The following DAB1 variants were observed in gnomAD, a reference collection of about 807,000 sequenced individuals.
DAB1 encodes the protein disabled homolog 1.
A neutral mutation model predicts 64.6 loss-of-function variants in DAB1; 15 were observed. That is an observed-to-expected ratio of 0.23 (90% confidence interval 0.16 to 0.36). The LOEUF (loss-of-function observed/expected upper bound fraction) is 0.36. DAB1 is among the 10% of genes least tolerant of loss of function. DAB1 has a pLI of 1.00. For synonymous variants in DAB1, 235 were observed against 251.9 expected (o/e 0.93, Z 0.64); for missense variants, 596 against 706.7 (o/e 0.84, Z 1.78).
chr1:57,215,293 A>G (rs939347977), intron 2 of DAB1, among the ~76,000 whole-genome samples: 6 of 152,214 alleles, frequency 3.9e-5, no homozygotes, highest in African/African-American at 1.4e-4. Flanking sequence ...AGAATCTGCA[A>G]GGAGAAGCTT....
chr1:58,299,534 A>G (rs1662072334), intron 4 of DAB1, among the ~76,000 whole-genome samples: 2 of 152,236 alleles, frequency 1.3e-5, no homozygotes, highest in Admixed American at 1.3e-4. Flanking sequence ...ATGAATACAC[A>G]TAATGCATAA....
rs975129685 is a variant in DAB1 at position 57,291,095 on chromosome 1, T to C, written c.-65A>G. On this transcript the variant is annotated 5_prime_UTR_variant, in exon 2 of 15. Transcript: ENST00000371236. ...CTCGGCCAGGCTCATTGAGGACTCTTCTCCAAGAGAAAGACTCCTCCCTTC... is the reference window on the plus strand; with the variant it reads ...CTCGGCCAGGCTCATTGAGGACTCTCCTCCAAGAGAAAGACTCCTCCCTTC... 2 of 1,095,478 alleles carry C rather than the reference T, an allele frequency of 1.8e-6. No individual in the cohort carries two copies. Among genetic ancestry groups the C allele is most frequent in the African/African-American group, 1.6e-5 (1 of 62,832 alleles). 67.9% of individuals were successfully genotyped at this position (1,095,478 alleles called of 1,614,324 possible).
At chr1:57,758,750 TG>T (rs1400136456) in intron 6 of DAB1, among the ~76,000 whole-genome samples, 43 of 152,300 alleles carry the variant, frequency 2.8e-4, no homozygotes, top group South Asian at 8.3e-4. Flanking sequence ...AAAATAGTTT[TG>T]TTTTTTTTTT....
At chr1:57,380,353 C>A (rs1436169588) in intron 1 of DAB1, among the ~76,000 whole-genome samples, 1 of 152,172 alleles carries the variant, frequency 6.6e-6, no homozygotes, top group Non-Finnish European at 1.5e-5. Context: ...ATAGTGGCTA[C>A]CATTATTAAC....
At chr1:58,215,730 G>T (rs897162232) in intron 4 of DAB1, among the ~76,000 whole-genome samples, 3 of 152,170 alleles carry the variant, frequency 2.0e-5, no homozygotes, top group African/African-American at 7.2e-5. Flanking sequence ...ATGATATAGT[G>T]AGTGATTTTC....
intron 2 of DAB1, among the ~76,000 whole-genome samples, chr1:57,232,338 A>G (rs1197200593): frequency 6.8e-6 from 1 of 147,338 alleles, no homozygotes; most frequent in Non-Finnish European, 1.5e-5. Flanking sequence ...CAGGAAAGTC[A>G]GTAATACATG....
At chr1:57,781,543 A>G (rs1305116145) in intron 6 of DAB1, among the ~76,000 whole-genome samples, 1 of 152,042 alleles carries the variant, frequency 6.6e-6, no homozygotes, top group Non-Finnish European at 1.5e-5. Flanking sequence ...GTCATTCCCA[A>G]TTTACAGATG....
chr1:58,481,096 T>G (rs758811298), intron 3 of DAB1: 7 of 871,990 alleles, frequency 8.0e-6, no homozygotes, highest in African/African-American at 4.9e-5. Context: ...AGAAAATGCT[T>G]CGTGCTGAGT....
intron 2 of DAB1, among the ~76,000 whole-genome samples, chr1:57,158,047 A>G (rs1660406296): frequency 6.6e-6 from 1 of 152,156 alleles, no homozygotes; most frequent in South Asian, 2.1e-4. Flanking sequence ...CCTGTGTATA[A>G]GCAAGTTAAA....
At chr1:57,387,757 GACTGC>G (rs1681998867) in intron 1 of DAB1, among the ~76,000 whole-genome samples, 1 of 147,276 alleles carries the variant, frequency 6.8e-6, no homozygotes, top group Admixed American at 7.1e-5. Context: ...AGGAGGTGGA[GACTGC>G]AGTGAGCCAA....
intron 2 of DAB1, among the ~76,000 whole-genome samples, chr1:57,147,885 A>G (rs1382203753): frequency 6.6e-6 from 1 of 152,184 alleles, no homozygotes; most frequent in Non-Finnish European, 1.5e-5. Flanking sequence ...GTCCAAACTT[A>G]CTGAGTAGAA....
At chr1:57,553,384 G>GAGAAAGAAAGAAAGAA (rs775593744) in intron 7 of DAB1, among the ~76,000 whole-genome samples, 15 of 6,978 alleles carry the variant, frequency 2.1e-3, no homozygotes, top group African/African-American at 2.5e-3. Flanking sequence ...AAGGAAGAAA[G>GAGAAAGAAAGAAAGAA]AGAAAGAAAG....
chr1:58,051,875 G>T (rs985212851), intron 5 of DAB1, among the ~76,000 whole-genome samples: 2 of 152,136 alleles, frequency 1.3e-5, no homozygotes, highest in African/African-American at 2.4e-5. Flanking sequence ...CATATCCTTT[G>T]TCAACTTTTT....
intron 3 of DAB1, among the ~76,000 whole-genome samples, chr1:57,144,492 G>A (rs1162913381): frequency 1.3e-5 from 2 of 151,898 alleles, no homozygotes; most frequent in Non-Finnish European, 2.9e-5. Context: ...TCAGGAGTTC[G>A]AGACCAGCCT....
intron 4 of DAB1, among the ~76,000 whole-genome samples, chr1:58,177,002 C>A (rs1656519767): frequency 6.6e-6 from 1 of 151,778 alleles, no homozygotes; most frequent in African/African-American, 2.4e-5. Context: ...AAAGTCCCAC[C>A]TCTCAACACT....
At chr1:57,859,799 C>T (rs1311391276) in intron 1 of DAB1, among the ~76,000 whole-genome samples, 1 of 152,170 alleles carries the variant, frequency 6.6e-6, no homozygotes, top group African/African-American at 2.4e-5. Context: ...ACATGGACTT[C>T]AATGTATCTC....
intron 3 of DAB1, among the ~76,000 whole-genome samples, chr1:58,387,716 T>C (rs927204420): frequency 1.8e-5 from 2 of 108,540 alleles, no homozygotes; most frequent in Admixed American, 8.8e-5. Flanking sequence ...TTTTTTCTTT[T>C]CTTTTCTTTT....
intron 6 of DAB1, among the ~76,000 whole-genome samples, chr1:57,695,348 G>GA (rs1372809874): frequency 8.5e-5 from 9 of 106,358 alleles, no homozygotes; most frequent in African/African-American, 2.8e-4. Flanking sequence ...AAGAAAGAAA[G>GA]AAAGAAAAGA....
chr1:58,361,863 C>CT (rs34029239), intron 3 of DAB1, among the ~76,000 whole-genome samples: 15,208 of 83,392 alleles, frequency 0.18, 2,235 homozygotes, highest in East Asian at 0.28. Flanking sequence ...AAAGATCCCC[C>CT]TTTTTTTTTT....
Sources: allele counts gnomAD v4.1 joint callset (sites outside exome capture counted in the v4.1 genomes callset), GRCh38; gene constraint gnomAD v4.1.1; transcripts MANE v1.5; gene names NCBI Gene and HGNC (gene_info 2026-07-23, HGNC 2026-07-21).